The following CUL9 variants were observed in gnomAD, a reference collection of about 807,000 sequenced individuals.
CUL9 encodes the protein cullin-9.
In CUL9, 79 loss-of-function variants were observed where a neutral mutation model predicts 272.6. The ratio of observed to expected loss-of-function variants is 0.29; its 90% CI spans 0.24 to 0.35. The LOEUF (loss-of-function observed/expected upper bound fraction) is 0.35. CUL9 is among the 10% of genes least tolerant of loss of function. The probability of loss-of-function intolerance (pLI) is 1.00; values close to 1 mark genes in which losing one functional copy is unlikely to be tolerated. For synonymous variants in CUL9, 1,186 were observed against 1,286.5 expected (o/e 0.92, Z 1.67); for missense variants, 2,532 against 3,255.6 (o/e 0.78, Z 5.41).
At chr6:43,201,575 G>T (rs564164083) in intron 16 of CUL9, among the ~76,000 whole-genome samples, 1 of 152,162 alleles carries the variant, frequency 6.6e-6, no homozygotes, top group East Asian at 1.9e-4. Flanking sequence ...TGCCTCCCGG[G>T]TTCACCCCAT....
chr6:43,185,656 A>G, intron 3 of CUL9, 46 bp downstream of exon 3: 1 of 1,573,306 alleles, frequency 6.4e-7, no homozygotes, highest in Non-Finnish European at 8.6e-7. Flanking sequence ...GGGCTAAGAC[A>G]TTATTTATGA....
chr6:43,202,838 C>A lies in CUL9; in HGVS notation c.3753+17C>A. The A allele has an allele frequency of 6.2e-7, 1 of 1,607,196 alleles. No homozygotes were observed. Among genetic ancestry groups the A allele is most frequent in the Non-Finnish European group, 8.5e-7 (1 of 1,173,822 alleles). ...CTCAACACGGTGGGGACCCTTGTGC[C>A]CACCTTCACCTTGCTCCACATCCTT... is the stretch of plus-strand genomic sequence containing the variant. On this transcript the variant is annotated intron_variant, in intron 17 of 40. Transcript: ENST00000252050.
chr6:43,204,617 C>T, intron 21 of CUL9, 78 bp downstream of exon 21: 1 of 1,593,148 alleles, frequency 6.3e-7, no homozygotes, highest in South Asian at 1.1e-5. Flanking sequence ...GGGTCTTACT[C>T]TTGCTGCTTT....
intron 11 of CUL9, 69 bp from the exon 12 acceptor site, chr6:43,198,540 C>T: frequency 6.3e-7 from 1 of 1,577,880 alleles, no homozygotes; most frequent in Non-Finnish European, 8.6e-7. Flanking sequence ...TGGACCTTCC[C>T]AGTTCTCAGT....
At chr6:43,215,392 T>C in intron 30 of CUL9, 66 bp downstream of exon 30, 1 of 1,516,260 alleles carries the variant, frequency 6.6e-7, no homozygotes, top group Non-Finnish European at 8.8e-7. Context: ...CCAAGATCCC[T>C]TGTGGAGAAA....
At chr6:43,201,726 G>A (rs960417859) in intron 16 of CUL9, among the ~76,000 whole-genome samples, 31 of 152,326 alleles carry the variant, frequency 2.0e-4, no homozygotes, top group South Asian at 1.9e-3. Context: ...TGATCCGCCC[G>A]CCTTGGCCTC....
intron 4 of CUL9, 23 bp from the exon 5 acceptor site, chr6:43,186,936 CT>C (rs1369511584): frequency 6.2e-7 from 1 of 1,612,308 alleles, no homozygotes; most frequent in African/African-American, 1.3e-5. Flanking sequence ...CTATTCTGCT[CT>C]CTTTCTTCCT....
At position 43,202,723 on chromosome 6, in the gene CUL9, A is replaced by G; in HGVS notation, c.3655A>G (p.Thr1219Ala). Residue 1219 changes from threonine to alanine, a missense_variant, in exon 17 of 41, where the codon ACT becomes GCT. Thr to Ala is a moderately conservative substitution (Grantham distance 58, BLOSUM62 0). Coordinates refer to ENST00000252050, the MANE Select transcript of CUL9 (RefSeq NM_015089.4). ...TCCTTTCTTCTTTCCCAGGCAGCTC[A>G]CTTTGCTGGTGGCCAGTGAGGACTC... ...MHRGVLVRQLTLLVASEDSSY... is the reference protein window; with the variant it reads ...MHRGVLVRQLALLVASEDSSY... 6.2e-7 allele frequency: 1 copy of G among 1,614,012 alleles called. No homozygotes were observed.
intron 8 of CUL9, 60 bp from the exon 9 acceptor site, chr6:43,192,941 G>T: frequency 6.7e-7 from 1 of 1,493,150 alleles, no homozygotes; most frequent in Non-Finnish European, 9.3e-7. Context: ...CGGTGCCATG[G>T]CTGGGAGGTC....
In CUL9 at chr6:43,203,915, G is replaced by A. The variant is rs1305717254; in HGVS notation, c.4087G>A (p.Ala1363Thr). ...TGACCGCTTCCTCCCTGATGATGAGGCCGCCCAGGCACTGGGCAAGACCTG... is the reference window on the plus strand; with the variant it reads ...TGACCGCTTCCTCCCTGATGATGAGACCGCCCAGGCACTGGGCAAGACCTG... ...FADRFLPDDE[A>T]AQALGKTCWE... is the part of the protein sequence containing the mutation. The change falls in exon 20 of 41, where the codon GCC becomes ACC. Residue 1363 changes from alanine (A) to threonine (T), a missense_variant. Ala to Thr is a moderately conservative substitution (Grantham distance 58). Transcript: ENST00000252050. The surrounding 1 kb of genome is among the most constrained non-coding windows in gnomAD (Gnocchi z 5.0). The A allele has an allele frequency of 6.2e-7, 1 of 1,613,476 alleles. No individual in the cohort carries two copies. The highest frequency in any genetic ancestry group is 8.5e-7 in the Non-Finnish European group (1 of 1,179,668).
intron 26 of CUL9, among the ~76,000 whole-genome samples, chr6:43,211,513 G>A (rs532084511): frequency 6.6e-6 from 1 of 152,264 alleles, no homozygotes; most frequent in African/African-American, 2.4e-5. Flanking sequence ...AGCCGGGATC[G>A]TGCCACTGCA....
At position 43,199,443 on chromosome 6, in the gene CUL9, G is replaced by C; in HGVS notation, c.3156+72G>C. On this transcript the variant is annotated intron_variant, in intron 13 of 40. Transcript: ENST00000252050. This position sits in a 1 kb window ranked among gnomAD's most constrained non-coding sequence, Gnocchi z 4.4. The stretch of plus-strand genomic sequence containing the variant: ...GGCACCAACTCCTTGTGAGGCTCTG[G>C]AGGGCACAGCAGAGCCTTTCTGAAT... 5.0e-6 allele frequency: 6 copies of C among 1,196,430 alleles called. No homozygotes were observed. Among genetic ancestry groups the C allele is most frequent in the Non-Finnish European group, 6.2e-6 (5 of 804,410 alleles). The allele number at this position is 1,196,430 out of a possible 1,614,324, so 74.1% of individuals were successfully genotyped here. A position where few individuals can be genotyped will look rare whatever the true frequency, so the allele number is the denominator to read the frequency against.
At position 43,216,425 on chromosome 6, in the gene CUL9, C is replaced by G. The variant is rs202169788; in HGVS notation, c.6204C>G (p.Asp2068Glu). Reference sequence around the variant, plus strand: ...CTCAGGCTGTACCCGTACGGCCTGACCACTGCCCCGTCTGTGTGAGCCCCC... The same window carrying G: ...CTCAGGCTGTACCCGTACGGCCTGAGCACTGCCCCGTCTGTGTGAGCCCCC... ...HQAQAVPVRP[D>E]HCPVCVSPLG... Residue 2068 changes from aspartate to glutamate, a missense_variant, in exon 31 of 41, where the codon GAC becomes GAG. Asp to Glu is a conservative substitution (Grantham distance 45). This residue lies in a region of CUL9 where 2,218 missense variants were observed against 2,788.6 expected (regional missense o/e 0.80). Coordinates refer to ENST00000252050, the MANE Select transcript of CUL9 (RefSeq NM_015089.4). 6.2e-7 allele frequency: 1 copy of G among 1,613,016 alleles called. No individual in the cohort carries two copies. Among genetic ancestry groups the G allele is most frequent in the East Asian group, 2.2e-5 (1 of 44,836 alleles).
At chr6:43,192,560 C>T (rs1773622966) in intron 8 of CUL9, among the ~76,000 whole-genome samples, 2 of 152,316 alleles carry the variant, frequency 1.3e-5, no homozygotes, top group South Asian at 4.1e-4. Context: ...CCTGTAGTCC[C>T]AGCTACTCAA....
At chr6:43,204,683 C>G (rs919111210) in intron 21 of CUL9, 65 bp from the exon 22 acceptor site, 7 of 1,593,170 alleles carry the variant, frequency 4.4e-6, no homozygotes, top group Non-Finnish European at 6.0e-6. Flanking sequence ...AGATCACTAC[C>G]CAAGACCGGT....
intron 1 of CUL9, among the ~76,000 whole-genome samples, chr6:43,183,705 TCTTCCTTCCTTCCTTC>T (rs59921107): frequency 3.4e-5 from 5 of 147,254 alleles, no homozygotes; most frequent in Middle Eastern, 3.4e-3. Flanking sequence ...TTCCTTCCTT[TCTTCCTTCCTTCCTTC>T]CTTCCTTCCT....
In CUL9 at chr6:43,184,801, A is replaced by C; in HGVS notation, c.491A>C (p.Glu164Ala). ...SIGPLTGVFR[E>A]TGALDLLMHM... Reference sequence around the variant, plus strand: ...GGGCCCCTCACTGGTGTCTTCAGGGAGACAGGAGCCCTGGACCTGCTCATG... The same window carrying C: ...GGGCCCCTCACTGGTGTCTTCAGGGCGACAGGAGCCCTGGACCTGCTCATG... The change falls in exon 2 of 41, where the codon GAG becomes GCG. Residue 164 changes from glutamate to alanine, a missense_variant. Glu to Ala is a moderately radical substitution (Grantham distance 107). Transcript: ENST00000252050. This position sits in a 1 kb window ranked among gnomAD's most constrained non-coding sequence, Gnocchi z 4.8. 1 of 1,613,936 alleles carries C rather than the reference A, an allele frequency of 6.2e-7. No individual in the cohort carries two copies. Among genetic ancestry groups the C allele is most frequent in the Non-Finnish European group, 8.5e-7 (1 of 1,180,032 alleles).
At chr6:43,183,705 T>TTC (rs1158447701) in intron 1 of CUL9, among the ~76,000 whole-genome samples, 4 of 147,148 alleles carry the variant, frequency 2.7e-5, no homozygotes, top group Admixed American at 6.8e-5. Flanking sequence ...TTCCTTCCTT[T>TTC]CTTCCTTCCT....
chr6:43,221,048 T>C lies in CUL9; in HGVS notation c.6589-110T>C. 1 of 1,479,538 alleles carries C rather than the reference T, an allele frequency of 6.8e-7. No homozygotes were observed. The highest frequency in any genetic ancestry group is 9.1e-7 in the Non-Finnish European group (1 of 1,103,290). The allele number at this position is 1,479,538 out of a possible 1,614,324, so 91.7% of individuals were successfully genotyped here. A position where few individuals can be genotyped will look rare whatever the true frequency, so the allele number is the denominator to read the frequency against. On this transcript the variant is annotated intron_variant, in intron 33 of 40. Transcript: ENST00000252050. The surrounding 1 kb of genome is among the most constrained non-coding windows in gnomAD (Gnocchi z 4.2). The stretch of plus-strand genomic sequence containing the variant: ...GCCACCCAGTTGAGCTCTGTTCCTC[T>C]TCCTGGAGCCCTCCAAATGTGATCT...
Sources: gnomAD v4.1 joint callset for allele counts (sites outside exome capture counted in the v4.1 genomes callset) on GRCh38, gnomAD v4.1.1 for gene constraint, gnomAD v4.1.1 regional missense constraint, Gnocchi (gnomAD v3.1) non-coding constraint, MANE v1.5 for transcripts, NCBI Gene and HGNC (gene_info 2026-07-23, HGNC 2026-07-21) for gene names.